C1GALT1: variants seen among roughly 807,000 people sequenced by gnomAD.
C1GALT1 encodes glycoprotein-N-acetylgalactosamine 3-beta-galactosyltransferase 1.
C1GALT1 carries 11 observed loss-of-function variants against 31.0 expected under a neutral mutation model. That is an observed-to-expected ratio of 0.36 (90% CI 0.22 to 0.59). The LOEUF (loss-of-function observed/expected upper bound fraction) is 0.59. C1GALT1 is among the 20% of genes least tolerant of loss of function. The probability of loss-of-function intolerance (pLI) is 0.79; values close to 1 mark genes in which losing one functional copy is unlikely to be tolerated. For missense variants in C1GALT1, 424 were observed against 425.2 expected (o/e 1.00, Z 0.03); for synonymous variants, 175 against 143.6 (o/e 1.22, Z -1.56).
At chr7:7,204,250 T>C (rs1478655252) in intron 1 of C1GALT1, among the ~76,000 whole-genome samples, 3 of 152,024 alleles carry the variant, frequency 2.0e-5, no homozygotes, top group African/African-American at 4.8e-5. Flanking sequence ...TCATTCAATC[T>C]CCATACTGAT....
chr7:7,205,916 A>G (rs113638862), intron 1 of C1GALT1, among the ~76,000 whole-genome samples: 3,578 of 151,714 alleles, frequency 0.024, 118 homozygotes, highest in African/African-American at 0.081. Context: ...ATAAGGAGGA[A>G]CTTCTGTCAT....
At chr7:7,219,077 A>G (rs932232154) in intron 1 of C1GALT1, among the ~76,000 whole-genome samples, 1 of 152,026 alleles carries the variant, frequency 6.6e-6, no homozygotes, top group Non-Finnish European at 1.5e-5. Context: ...GACCTTCGTG[A>G]TCCGCCCGCC....
intron 1 of C1GALT1, among the ~76,000 whole-genome samples, chr7:7,210,733 G>T (rs191751275): frequency 7.7e-4 from 117 of 152,166 alleles, no homozygotes; most frequent in African/African-American, 2.7e-3. Flanking sequence ...TTCTACGCTC[G>T]TCGGGATTCC....
chr7:7,161,067 TACTG>T (rs750136836), intron 2 of C1GALT1, among the ~76,000 whole-genome samples: 6 of 152,072 alleles, frequency 3.9e-5, no homozygotes, highest in Non-Finnish European at 7.4e-5. Context: ...TACACAAAAT[TACTG>T]ACTACTTGTG....
Position 7,238,213 on chromosome 7 carries a change from T to C in C1GALT1, c.221-42T>C. ...GTATAATTTATTAATATTTGGATTT[T>C]ACATCTATGTAAATAACCTTTTAAA... On this transcript the variant is annotated intron_variant, in intron 2 of 3. Coordinates refer to ENST00000436587, the MANE Select transcript of C1GALT1 (RefSeq NM_020156.5). This position sits in a 1 kb window ranked among gnomAD's most constrained non-coding sequence, Gnocchi z 5.2. 2.0e-6 allele frequency: 3 copies of C among 1,480,678 alleles called. No individual in the cohort carries two copies. The highest frequency in any genetic ancestry group is 2.7e-6 in the Non-Finnish European group (3 of 1,098,028). 91.7% of individuals were successfully genotyped at this position (1,480,678 alleles called of 1,614,324 possible). A position where few individuals can be genotyped will look rare whatever the true frequency, so the allele number is the denominator to read the frequency against.
chr7:7,224,856 A>T (rs1441955519), intron 1 of C1GALT1, among the ~76,000 whole-genome samples: 1 of 152,088 alleles, frequency 6.6e-6, no homozygotes, highest in East Asian at 1.9e-4. Flanking sequence ...GTATTTAAGC[A>T]TAGTGTATTT....
intron 1 of C1GALT1, among the ~76,000 whole-genome samples, chr7:7,209,951 G>A (rs1421382680): frequency 1.3e-5 from 2 of 152,114 alleles, no homozygotes; most frequent in Non-Finnish European, 2.9e-5. Context: ...CAGGGGCGGG[G>A]GACACAAGGT....
chr7:7,208,479 C>A (rs1781849274), intron 1 of C1GALT1, among the ~76,000 whole-genome samples: 1 of 152,058 alleles, frequency 6.6e-6, no homozygotes, highest in African/African-American at 2.4e-5. Flanking sequence ...TAGTGAATTT[C>A]TATTTTCCCT....
intron 1 of C1GALT1, among the ~76,000 whole-genome samples, chr7:7,225,290 C>G (rs1583813200): frequency 6.6e-6 from 1 of 152,160 alleles, no homozygotes; most frequent in Non-Finnish European, 1.5e-5. Context: ...TGTTTCCAAA[C>G]TGTTTCTTTG....
chr7:7,226,354 A>G (rs941856105), intron 1 of C1GALT1, among the ~76,000 whole-genome samples: 1 of 151,090 alleles, frequency 6.6e-6, no homozygotes, highest in African/African-American at 2.4e-5. Context: ...ATGTGGTATA[A>G]AGTGTTAAAA....
chr7:7,203,576 A>T (rs1781608617), intron 1 of C1GALT1, among the ~76,000 whole-genome samples: 1 of 151,978 alleles, frequency 6.6e-6, no homozygotes, highest in South Asian at 2.1e-4. Flanking sequence ...TAATCTTTTA[A>T]TATGCTGCTG....
rs1783790193 is a variant in C1GALT1, at chr7:7,245,121, T to C, written c.*1394T>C. ...AGCAGAATATTTTACAGACTTTCTA[T>C]GAGATTATTTTTATGGTACAAAGTA... On this transcript the variant is annotated 3_prime_UTR_variant, in exon 4 of 4. Transcript: ENST00000436587. The C allele has an allele frequency of 6.6e-6, 1 of 152,256 alleles. No homozygotes were observed. Among genetic ancestry groups the C allele is most frequent in the South Asian group, 2.1e-4 (1 of 4,828 alleles). 9.4% of individuals were successfully genotyped at this position (152,256 alleles called of 1,614,324 possible).
Position 7,231,710 on chromosome 7 carries a change from TTG to T in C1GALT1, c.-17-2589_-17-2588del, listed in dbSNP as rs898890085. On this transcript the variant is annotated intron_variant, in intron 1 of 3. Coordinates refer to ENST00000436587, the MANE Select transcript of C1GALT1 (RefSeq NM_020156.5). The stretch of plus-strand genomic sequence containing the variant: ...GGCTCTGTTTCTATTGTCTACTTTT[TTG>T]TGTTTAGCCGTAATTTTCATCTTGA... 1.1e-4 allele frequency among the ~76,000 whole-genome samples: 17 copies of T among 152,192 alleles called. No individual in the cohort carries two copies. The South Asian group carries it at 2.1e-3, about 19-fold the overall frequency.
chr7:7,217,312 C>T (rs911343936), intron 1 of C1GALT1, among the ~76,000 whole-genome samples: 4 of 151,866 alleles, frequency 2.6e-5, no homozygotes, highest in Non-Finnish European at 5.9e-5. Flanking sequence ...AGCCGGGGAG[C>T]TGAGGGGGTG....
At chr7:7,207,896 A>G (rs904621923) in intron 1 of C1GALT1, among the ~76,000 whole-genome samples, 13 of 151,926 alleles carry the variant, frequency 8.6e-5, no homozygotes, top group Admixed American at 3.9e-4. Flanking sequence ...TAAGCTGGAT[A>G]TGTAATACAA....
intron 1 of C1GALT1, among the ~76,000 whole-genome samples, chr7:7,230,603 C>G (rs1432375911): frequency 7.4e-6 from 1 of 134,254 alleles, no homozygotes; most frequent in Non-Finnish European, 1.6e-5. Flanking sequence ...TTCTATTTGT[C>G]TCATCTATTC....
intron 1 of C1GALT1, among the ~76,000 whole-genome samples, chr7:7,199,425 T>A (rs1168957156): frequency 6.6e-6 from 1 of 152,208 alleles, no homozygotes; most frequent in Non-Finnish European, 1.5e-5. Context: ...ATTTCTGTTC[T>A]TTTACATTTG....
intron 3 of C1GALT1, among the ~76,000 whole-genome samples, chr7:7,242,668 T>G (rs1783684955): frequency 6.6e-6 from 1 of 152,144 alleles, no homozygotes; most frequent in Middle Eastern, 3.4e-3. Flanking sequence ...TTCATCTCTT[T>G]TTCTGTCTTC....
intron 1 of C1GALT1, among the ~76,000 whole-genome samples, chr7:7,198,990 T>A (rs1274198495): frequency 1.3e-5 from 2 of 152,190 alleles, no homozygotes; most frequent in Admixed American, 6.5e-5. Flanking sequence ...AACCAGCTCC[T>A]GGATTCACTG....
Sources: gnomAD v4.1 joint callset for allele counts (sites outside exome capture counted in the v4.1 genomes callset) on GRCh38, gnomAD v4.1.1 for gene constraint, Gnocchi (gnomAD v3.1) non-coding constraint, MANE v1.5 for transcripts, NCBI Gene and HGNC (gene_info 2026-07-23, HGNC 2026-07-21) for gene names.